JAM3: variants seen among roughly 807,000 people sequenced by gnomAD.
JAM3 encodes the protein junctional adhesion molecule C.
A neutral mutation model predicts 39.4 loss-of-function variants in JAM3; 31 were observed. That is an observed-to-expected ratio of 0.79 (90% CI 0.59 to 1.06). The LOEUF is 1.06. Among genes scored for constraint, JAM3 ranks in the 50% least tolerant of loss-of-function variants. The pLI, the probability that JAM3 is intolerant of heterozygous loss-of-function variation, is 0.00. For synonymous variants in JAM3, 182 were observed against 148.7 expected, an observed-to-expected ratio of 1.22 and a Z score of -1.63; for missense variants, 455 against 391.4, an observed-to-expected ratio of 1.16 and a Z score of -1.37.
At chr11:134,101,707 C>T (rs1942076398) in intron 1 of JAM3, among the ~76,000 whole-genome samples, 1 of 152,008 alleles carries the variant, frequency 6.6e-6, no homozygotes, top group Non-Finnish European at 1.5e-5. Context: ...CATATTTCTC[C>T]CCTTATTTAT....
rs144554045 is a variant in JAM3, at chr11:134,069,412, C to T, written c.76+253C>T. ...CGGGGAGCTAATTTGGGATGGGGGGCCCGTCCCAGGCAGTGAGTCGGTCCC... is the reference window on the plus strand; with the variant it reads ...CGGGGAGCTAATTTGGGATGGGGGGTCCGTCCCAGGCAGTGAGTCGGTCCC... On this transcript the variant is annotated intron_variant, in intron 1 of 8. Transcript: ENST00000299106. Among the ~76,000 whole-genome samples the T allele has an allele frequency of 0.059, 8,973 of 151,810 alleles. 357 individuals carry two copies. Among genetic ancestry groups the T allele is most frequent in the Non-Finnish European group, 0.084 (5,691 of 67,712 alleles).
At position 134,138,384 on chromosome 11, in the gene JAM3, G is replaced by T. The variant is rs368550270; in HGVS notation, c.77-1467G>T. 7.8e-5 allele frequency among the ~76,000 whole-genome samples: 9 copies of T among 115,030 alleles called. No individual in the cohort carries two copies. In the East Asian group the frequency reaches 1.1e-3, roughly 14 times the overall value. The allele number at this position is 115,030 out of a possible 152,430, so 75.5% of individuals were successfully genotyped here. A position where few individuals can be genotyped will look rare whatever the true frequency, so the allele number is the denominator to read the frequency against. Reference sequence around the variant, plus strand: ...TATGGCCACTAGTCCCTTAGAGCCAGTGGTGGTGTCTCGTCGAAGTCGTGG... The same window carrying T: ...TATGGCCACTAGTCCCTTAGAGCCATTGGTGGTGTCTCGTCGAAGTCGTGG... On this transcript the variant is annotated intron_variant, in intron 1 of 8. Transcript: ENST00000299106.
At chr11:134,110,375 C>G (rs779574662) in intron 1 of JAM3, among the ~76,000 whole-genome samples, 3 of 152,174 alleles carry the variant, frequency 2.0e-5, no homozygotes, top group Non-Finnish European at 4.4e-5. Context: ...TTTGTAGCAT[C>G]TAAAAACTGG....
intron 1 of JAM3, among the ~76,000 whole-genome samples, chr11:134,085,783 A>C (rs1941738181): frequency 6.6e-6 from 1 of 152,236 alleles, no homozygotes; most frequent in Non-Finnish European, 1.5e-5. Flanking sequence ...CATCATATAC[A>C]TACAAATATT....
At chr11:134,076,398 G>A (rs929025319) in intron 1 of JAM3, among the ~76,000 whole-genome samples, 11 of 151,766 alleles carry the variant, frequency 7.2e-5, no homozygotes, top group African/African-American at 2.2e-4. Context: ...CAGGTGATCC[G>A]CCTGCCTCGG....
At chr11:134,133,272 G>A (rs1460402936) in intron 1 of JAM3, among the ~76,000 whole-genome samples, 4 of 152,096 alleles carry the variant, frequency 2.6e-5, no homozygotes, top group Admixed American at 1.3e-4. Context: ...TTCCAACTTC[G>A]ATTCCTTTTT....
intron 1 of JAM3, chr11:134,123,806 C>T (rs190515983): frequency 2.7e-6 from 2 of 747,408 alleles, no homozygotes; most frequent in East Asian, 2.5e-5. Context: ...TCAAGTGAGC[C>T]TTCATTTACA....
At chr11:134,087,411 C>T (rs1190398242) in intron 1 of JAM3, among the ~76,000 whole-genome samples, 3 of 152,138 alleles carry the variant, frequency 2.0e-5, no homozygotes, top group African/African-American at 7.2e-5. Flanking sequence ...ATCATGACCT[C>T]CCACCTCTCT....
intron 1 of JAM3, among the ~76,000 whole-genome samples, chr11:134,077,027 G>T (rs550343759): frequency 6.6e-6 from 1 of 152,072 alleles, no homozygotes; most frequent in African/African-American, 2.4e-5. Context: ...TAGAGACAGG[G>T]TTTTGCCATG....
chr11:134,119,213 A>G (rs1942491089), intron 1 of JAM3, among the ~76,000 whole-genome samples: 1 of 152,156 alleles, frequency 6.6e-6, no homozygotes, highest in South Asian at 2.1e-4. Context: ...GGCATGAGTC[A>G]GCACGACTGG....
intron 6 of JAM3, among the ~76,000 whole-genome samples, chr11:134,146,284 A>G (rs1023690023): frequency 7.2e-5 from 11 of 152,202 alleles, no homozygotes; most frequent in Admixed American, 5.2e-4. Context: ...GAACGTGGCC[A>G]GCCTTGCAAC....
In JAM3 at chr11:134,144,990, C is replaced by T. The variant is rs949301858; in HGVS notation, c.608C>T (p.Thr203Ile). 1.6e-5 allele frequency: 25 copies of T among 1,611,512 alleles called. No homozygotes were observed. The highest frequency in any genetic ancestry group is 2.0e-5 in the Non-Finnish European group (23 of 1,177,712). ...SSFHLNSETG[T>I]LVFTAVHKDD... ...TTCCACTTAAACTCTGAAACAGGCA[C>T]TTTGGTAAGATCTCTTCTAAGAGGT... The change falls in exon 5 of 9, where the codon ACT becomes ATT. Residue 203 changes from threonine to isoleucine, a missense_variant. Physicochemically the swap from Thr to Ile is moderately conservative, Grantham distance 89. Transcript: ENST00000299106.
intron 1 of JAM3, among the ~76,000 whole-genome samples, chr11:134,081,909 A>G (rs1941672488): frequency 6.6e-6 from 1 of 152,248 alleles, no homozygotes; most frequent in Non-Finnish European, 1.5e-5. Flanking sequence ...ACAGGTGGGT[A>G]GCTGCCCAAG....
intron 6 of JAM3, chr11:134,148,287 C>A (rs1039379494): frequency 1.9e-5 from 10 of 523,840 alleles, no homozygotes; most frequent in African/African-American, 1.3e-4. Context: ...GTGCCAAGCC[C>A]ACTTTAATAC....
chr11:134,148,408 T>C, intron 6 of JAM3, 139 bp from the exon 7 acceptor site: 1 of 947,442 alleles, frequency 1.1e-6, no homozygotes, highest in Non-Finnish European at 1.7e-6. Context: ...GTAAGTGTTC[T>C]CTCTTCTAGC....
intron 1 of JAM3, among the ~76,000 whole-genome samples, chr11:134,129,406 G>A (rs1942720289): frequency 6.6e-6 from 1 of 151,996 alleles, no homozygotes; most frequent in South Asian, 2.1e-4. Flanking sequence ...GTGAGCTACT[G>A]TGCCCAGCCT....
At chr11:134,103,687 A>G (rs919337783) in intron 1 of JAM3, among the ~76,000 whole-genome samples, 2 of 152,218 alleles carry the variant, frequency 1.3e-5, no homozygotes, top group African/African-American at 2.4e-5. Flanking sequence ...GCAAGTGGAA[A>G]ACAAAAAAAA....
Position 134,123,381 on chromosome 11 carries a change from C to CT in JAM3, c.77-16470_77-16469insT, listed in dbSNP as rs112848721. ...AAAGGAGAAAAATACACCACCACCCCCCCCCCCCCAAAAAAGGGAAAAAGA... is the reference window on the plus strand; with the variant it reads ...AAAGGAGAAAAATACACCACCACCCCTCCCCCCCCCAAAAAAGGGAAAAAGA... On this transcript the variant is annotated intron_variant, in intron 1 of 8. Coordinates refer to ENST00000299106, the MANE Select transcript of JAM3 (RefSeq NM_032801.5). 7.0e-4 allele frequency among the ~76,000 whole-genome samples: 106 copies of CT among 151,094 alleles called. 3 individuals are homozygous for CT. The East Asian group carries it at 9.2e-3, about 13-fold the overall frequency.
intron 1 of JAM3, among the ~76,000 whole-genome samples, chr11:134,080,401 C>G (rs1377876238): frequency 6.6e-6 from 1 of 152,182 alleles, no homozygotes; most frequent in Non-Finnish European, 1.5e-5. Flanking sequence ...CTCTGTGTCC[C>G]CACCCAAATC....
Sources: allele counts gnomAD v4.1 joint callset (sites outside exome capture counted in the v4.1 genomes callset), GRCh38; gene constraint gnomAD v4.1.1; transcripts MANE v1.5; gene names NCBI Gene and HGNC (gene_info 2026-07-23, HGNC 2026-07-21).